Variants in LY86 observed in about 807,000 individuals in gnomAD.
The protein encoded by LY86 is lymphocyte antigen 86.
LY86 carries 20 observed loss-of-function variants against 17.3 expected under a neutral mutation model. That is an observed-to-expected ratio of 1.15 (90% CI 0.81 to 1.68). The LOEUF (loss-of-function observed/expected upper bound fraction) is 1.68. Ranked by LOEUF, LY86 falls within the 40% of genes most tolerant of loss-of-function variation. The pLI is 0.00. For synonymous variants in LY86, 74 were observed against 70.6 expected, an observed-to-expected ratio of 1.05 and a Z score of -0.24; for missense variants, 200 against 191.9, an observed-to-expected ratio of 1.04 and a Z score of -0.25.
chr6:6,606,009 G>A (rs534274045), intron 1 of LY86, among the ~76,000 whole-genome samples: 4 of 152,154 alleles, frequency 2.6e-5, no homozygotes, highest in South Asian at 2.1e-4. Flanking sequence ...AAAAGCAAAA[G>A]AACAAAACTT....
At chr6:6,588,946 T>G in intron 1 of LY86, 76 bp downstream of exon 1, 1 of 1,500,396 alleles carries the variant, frequency 6.7e-7, no homozygotes, top group Non-Finnish European at 8.9e-7. Flanking sequence ...AGTGCTCAGT[T>G]GGAGTTGGGG....
At chr6:6,606,495 G>GT (rs1040757047) in intron 1 of LY86, among the ~76,000 whole-genome samples, 2 of 152,204 alleles carry the variant, frequency 1.3e-5, no homozygotes, top group African/African-American at 4.8e-5. Context: ...TTGGGTGGTC[G>GT]ATGGGACCGG....
chr6:6,608,749 G>A (rs964246546), intron 1 of LY86, among the ~76,000 whole-genome samples: 1 of 152,250 alleles, frequency 6.6e-6, no homozygotes, highest in Non-Finnish European at 1.5e-5. Context: ...GCATAGCGTT[G>A]AGCCAGGCCT....
rs1761219437 is a variant in LY86 at position 6,607,568 on chromosome 6, GAA to G, written c.137-17356_137-17355del. On this transcript the variant is annotated intron_variant, in intron 1 of 4. Transcript: ENST00000230568. Reference sequence around the variant, plus strand: ...GGAAAGAAGGGAGGAAAGGCATAAAGAAAGAAAACCCAAAATAGGATAAAATA... The same window carrying G: ...GGAAAGAAGGGAGGAAAGGCATAAAGAGAAAACCCAAAATAGGATAAAATA... Among the ~76,000 whole-genome samples the G allele has an allele frequency of 2.6e-5, 4 of 152,086 alleles. No individual in the cohort carries two copies. In the South Asian group the frequency reaches 8.3e-4, roughly 31 times the overall value.
At chr6:6,603,600 A>AAAAC (rs1554123591) in intron 1 of LY86, among the ~76,000 whole-genome samples, 1 of 86,216 alleles carries the variant, frequency 1.2e-5, no homozygotes, top group Non-Finnish European at 2.5e-5. Flanking sequence ...ACAAAAACAG[A>AAAAC]AACAGAAAAA....
intron 1 of LY86, among the ~76,000 whole-genome samples, chr6:6,603,391 G>A (rs1260708647): frequency 2.6e-5 from 4 of 151,510 alleles, no homozygotes; most frequent in Non-Finnish European, 4.4e-5. Flanking sequence ...ACACATCTAA[G>A]GAAACTGTAT....
chr6:6,594,536 A>G (rs755921721), intron 1 of LY86, among the ~76,000 whole-genome samples: 2 of 152,196 alleles, frequency 1.3e-5, no homozygotes, highest in South Asian at 2.1e-4. Flanking sequence ...AACTTTCTAG[A>G]AAAGGCTTGC....
chr6:6,654,685 C>G lies in LY86; in HGVS notation c.*58C>G. ...CATCTCGTGGGACCTCCAAGCTCCT[C>G]TGACTGAACCTACTGTGGGAGGAGA... On this transcript the variant is annotated 3_prime_UTR_variant, in exon 5 of 5. Transcript: ENST00000230568. 1 of 1,409,486 alleles carries G rather than the reference C, an allele frequency of 7.1e-7. No homozygotes were observed. Among genetic ancestry groups the G allele is most frequent in the Non-Finnish European group, 1.0e-6 (1 of 996,022 alleles). The allele number at this position is 1,409,486 out of a possible 1,614,324, so 87.3% of individuals were successfully genotyped here.
At chr6:6,641,150 C>A (rs1280323996) in intron 3 of LY86, among the ~76,000 whole-genome samples, 1 of 152,204 alleles carries the variant, frequency 6.6e-6, no homozygotes, top group Non-Finnish European at 1.5e-5. Flanking sequence ...TGCTGGACAT[C>A]CCCAAGTAAC....
At chr6:6,614,063 C>G (rs1455931086) in intron 1 of LY86, among the ~76,000 whole-genome samples, 1 of 152,194 alleles carries the variant, frequency 6.6e-6, no homozygotes, top group Non-Finnish European at 1.5e-5. Context: ...TATTGGTTCC[C>G]GTGTTCAGGA....
chr6:6,648,919 C>T (rs963156738), intron 3 of LY86, among the ~76,000 whole-genome samples: 15 of 152,284 alleles, frequency 9.9e-5, no homozygotes, highest in Non-Finnish European at 1.6e-4. Context: ...TGTCTCTTTC[C>T]AGCACTTGTT....
At chr6:6,619,412 C>A (rs35925700) in intron 1 of LY86, among the ~76,000 whole-genome samples, 25 of 152,260 alleles carry the variant, frequency 1.6e-4, no homozygotes, top group Non-Finnish European at 2.9e-4. Context: ...CCTAACACAC[C>A]CCCCCATTAT....
intron 1 of LY86, among the ~76,000 whole-genome samples, chr6:6,617,527 C>A (rs75457371): frequency 0.02 from 3,014 of 152,196 alleles, 91 homozygotes; most frequent in South Asian, 0.11. Flanking sequence ...GTTTATTATT[C>A]AGTAGTGTGT....
intron 1 of LY86, among the ~76,000 whole-genome samples, chr6:6,604,198 C>A (rs1761018442): frequency 6.6e-6 from 1 of 152,110 alleles, no homozygotes; most frequent in Non-Finnish European, 1.5e-5. Flanking sequence ...CATAAGCTCA[C>A]AGTCCAAAAT....
intron 4 of LY86, among the ~76,000 whole-genome samples, chr6:6,651,857 A>G (rs1581254660): frequency 1.3e-5 from 2 of 151,958 alleles, no homozygotes; most frequent in South Asian, 2.1e-4. Context: ...GAAGTTCAAG[A>G]CCAGCCTGGC....
chr6:6,590,711 G>A lies in LY86; in HGVS notation c.136+1841G>A, dbSNP rs75932593. 7.2e-3 allele frequency among the ~76,000 whole-genome samples: 1,093 copies of A among 152,250 alleles called. 9 individuals are homozygous for A. The highest frequency in any genetic ancestry group is 0.025 in the African/African-American group (1,025 of 41,540). ...TGGAGGGAGATGGGGGCAAAATGCC[G>A]TTTGAACTACAGGAGATGGAAAAGA... On this transcript the variant is annotated intron_variant, in intron 1 of 4. Transcript: ENST00000230568.
At chr6:6,648,247 A>G (rs745758406) in intron 3 of LY86, among the ~76,000 whole-genome samples, 12 of 152,264 alleles carry the variant, frequency 7.9e-5, no homozygotes, top group Non-Finnish European at 1.0e-4. Context: ...TGCATTCTCT[A>G]CACAGCAGAA....
intron 3 of LY86, among the ~76,000 whole-genome samples, chr6:6,630,576 A>G (rs970153633): frequency 6.6e-6 from 1 of 152,248 alleles, no homozygotes; most frequent in Non-Finnish European, 1.5e-5. Context: ...AATGTCCTTA[A>G]TGACCACAAC....
Position 6,640,019 on chromosome 6 carries a change from G to A in LY86, c.353-9606G>A, listed in dbSNP as rs528267901. Among the ~76,000 whole-genome samples the A allele has an allele frequency of 8.5e-5, 13 of 152,334 alleles. 1 individual carries two copies. The South Asian group carries it at 2.7e-3, about 32-fold the overall frequency. On this transcript the variant is annotated intron_variant, in intron 3 of 4. Transcript: ENST00000230568. ...TGCTCACAAATCTGAGGCAAGAGATGAGTCTTTCTGTTAGGAGATTGTATC... is the reference window on the plus strand; with the variant it reads ...TGCTCACAAATCTGAGGCAAGAGATAAGTCTTTCTGTTAGGAGATTGTATC...
Sources: allele counts gnomAD v4.1 joint callset (sites outside exome capture counted in the v4.1 genomes callset), GRCh38; gene constraint gnomAD v4.1.1; transcripts MANE v1.5; gene names NCBI Gene and HGNC (gene_info 2026-07-23, HGNC 2026-07-21).